Variants in NEK6 observed in about 807,000 individuals in gnomAD.
NEK6 encodes NIMA related kinase 6, also known as serine/threonine-protein kinase Nek6.
Under a neutral mutation model 43.5 loss-of-function variants are expected in NEK6, and 27 were observed. The observed-to-expected ratio is 0.62, with a 90% CI of 0.46 to 0.86. The LOEUF (loss-of-function observed/expected upper bound fraction) is 0.86, where lower values mean the gene tolerates loss of function less well. Ranked by LOEUF, NEK6 falls within the 40% of genes least tolerant of loss-of-function variation. The pLI, the probability that NEK6 is intolerant of heterozygous loss-of-function variation, is 0.00. For missense variants in NEK6, 318 were observed against 414.4 expected, an observed-to-expected ratio of 0.77 and a Z score of 2.02; for synonymous variants, 167 against 164.1, an observed-to-expected ratio of 1.02 and a Z score of -0.14.
intron 1 of NEK6, among the ~76,000 whole-genome samples, chr9:124,283,702 C>T (rs1407241300): frequency 1.3e-5 from 2 of 152,228 alleles, no homozygotes; most frequent in African/African-American, 2.4e-5. Context: ...TCCCACAACT[C>T]GCACAGGGCT....
chr9:124,267,257 G>T (rs1831266251), intron 1 of NEK6, among the ~76,000 whole-genome samples: 1 of 152,260 alleles, frequency 6.6e-6, no homozygotes, highest in Non-Finnish European at 1.5e-5. Context: ...GCCTTGGCGG[G>T]CCACCAGCGT....
chr9:124,328,096 G>T (rs368578841), intron 7 of NEK6, among the ~76,000 whole-genome samples: 46 of 152,322 alleles, frequency 3.0e-4, no homozygotes, highest in East Asian at 2.9e-3. Flanking sequence ...GGGTCGGGGG[G>T]TGCTGAAGGG....
In NEK6 at chr9:124,258,007, C is replaced by G; in HGVS notation, c.-108C>G. ...GCGTGCGGCCGCTGCGCCGCAAACTCGTGTGGGACGCACCGCTCCAGCCGC... is the reference window on the plus strand; with the variant it reads ...GCGTGCGGCCGCTGCGCCGCAAACTGGTGTGGGACGCACCGCTCCAGCCGC... On this transcript the variant is annotated 5_prime_UTR_variant, in exon 1 of 10. Transcript: ENST00000320246. 1 of 978,760 alleles carries G rather than the reference C, an allele frequency of 1.0e-6. No individual in the cohort carries two copies. 60.6% of individuals were successfully genotyped at this position (978,760 alleles called of 1,614,324 possible). A position where few individuals can be genotyped will look rare whatever the true frequency, so the allele number is the denominator to read the frequency against.
At chr9:124,277,766 G>A (rs987013471) in intron 1 of NEK6, among the ~76,000 whole-genome samples, 10 of 152,210 alleles carry the variant, frequency 6.6e-5, no homozygotes, top group African/African-American at 2.2e-4. Context: ...TCACGGGAGC[G>A]CGCCCGCAGG....
chr9:124,326,327 C>A lies in NEK6; in HGVS notation c.406-3C>A. On this transcript the variant is annotated splice_polypyrimidine_tract_variant and splice_region_variant and intron_variant, in intron 5 of 9. Coordinates refer to ENST00000320246, the MANE Select transcript of NEK6 (RefSeq NM_014397.6). This position sits in a 1 kb window ranked among gnomAD's most constrained non-coding sequence, Gnocchi z 4.5. ...ATCCCTCTGCTTGTCTCCCCCACTG[C>A]AGTACTTTAAGAAGCAGAAGCGGCT... 1 of 1,607,822 alleles carries A rather than the reference C, an allele frequency of 6.2e-7. No homozygotes were observed. The highest frequency in any genetic ancestry group is 1.7e-4 in the Middle Eastern group (1 of 6,052).
intron 1 of NEK6, chr9:124,291,737 C>G: frequency 8.5e-6 from 7 of 821,286 alleles, no homozygotes; most frequent in Non-Finnish European, 1.0e-5. Flanking sequence ...GGAAAGGACC[C>G]TTGTCCCTCC....
chr9:124,330,152 CA>C (rs1828897433), intron 7 of NEK6, among the ~76,000 whole-genome samples: 1 of 152,204 alleles, frequency 6.6e-6, no homozygotes, highest in South Asian at 2.1e-4. Flanking sequence ...GTCGGGCTGA[CA>C]GGTGCGGTAC....
chr9:124,350,560 A>G (rs1358662761), intron 9 of NEK6, among the ~76,000 whole-genome samples: 1 of 152,180 alleles, frequency 6.6e-6, no homozygotes, highest in African/African-American at 2.4e-5. Context: ...GACAGCTACA[A>G]GTTCAAAATA....
intron 1 of NEK6, among the ~76,000 whole-genome samples, chr9:124,295,523 G>C (rs1832645195): frequency 6.6e-6 from 1 of 152,196 alleles, no homozygotes; most frequent in African/African-American, 2.4e-5. Context: ...AAGGCAGTTT[G>C]GACCAAGGCA....
intron 2 of NEK6, among the ~76,000 whole-genome samples, chr9:124,305,699 G>A (rs1213101208): frequency 6.6e-6 from 1 of 152,168 alleles, no homozygotes. Flanking sequence ...GAGAAGCTCT[G>A]CATGTTGCAG....
rs75960548 is a variant in NEK6, at chr9:124,347,561, G to A, written c.718-148G>A. The stretch of plus-strand genomic sequence containing the variant: ...TCCTCTGTTGAACCCCAGCATGCTC[G>A]GTGATTCGGGGGAGAAGTCCTGCTG... On this transcript the variant is annotated intron_variant, in intron 8 of 9. Transcript: ENST00000320246. 3,757 of 531,614 alleles carry A rather than the reference G, an allele frequency of 7.1e-3. 19 individuals carry two copies. Among genetic ancestry groups the A allele is most frequent in the Middle Eastern group, 0.017 (46 of 2,680 alleles). The allele number at this position is 531,614 out of a possible 1,614,324, so 32.9% of individuals were successfully genotyped here.
chr9:124,293,158 G>T (rs1195505790), intron 1 of NEK6: 3 of 1,134,798 alleles, frequency 2.6e-6, no homozygotes, highest in African/African-American at 3.2e-5. Flanking sequence ...TGATTAAAAT[G>T]CAGACTTTGG....
At chr9:124,320,118 T>A (rs1266477356) in intron 4 of NEK6, among the ~76,000 whole-genome samples, 1 of 152,234 alleles carries the variant, frequency 6.6e-6, no homozygotes, top group Admixed American at 6.5e-5. Flanking sequence ...GGATATTCAC[T>A]GAGCCACAGC....
intron 1 of NEK6, among the ~76,000 whole-genome samples, chr9:124,258,835 C>T (rs932618342): frequency 1.3e-5 from 2 of 152,262 alleles, no homozygotes; most frequent in African/African-American, 2.4e-5. Flanking sequence ...AGGACCCTCT[C>T]TGCATACACA....
At chr9:124,296,874 T>C (rs1419086375) in intron 1 of NEK6, among the ~76,000 whole-genome samples, 1 of 152,162 alleles carries the variant, frequency 6.6e-6, no homozygotes, top group African/African-American at 2.4e-5. Flanking sequence ...ATGACAGCCT[T>C]GGTCAGAAAG....
chr9:124,312,791 C>G, intron 3 of NEK6, 142 bp downstream of exon 3: 1 of 825,994 alleles, frequency 1.2e-6, no homozygotes, highest in Non-Finnish European at 1.8e-6. Flanking sequence ...ACAGAGAGAA[C>G]CAGGTGGACT....
rs759381068 is a variant in NEK6, at chr9:124,281,487, C to CTTTT, written c.-29-20422_-29-20419dup. On this transcript the variant is annotated intron_variant, in intron 1 of 9. Transcript: ENST00000320246. ...CTACTTTCCATGTCAGCTGTTTTTT[C>CTTTT]TTTTTTTTTTTTTTTTTTTTTTTTT... Among the ~76,000 whole-genome samples the CTTTT allele has an allele frequency of 2.4e-3, 242 of 102,930 alleles. 3 individuals are homozygous for CTTTT. The highest frequency in any genetic ancestry group is 3.5e-3 in the East Asian group (11 of 3,126). 67.5% of individuals were successfully genotyped at this position (102,930 alleles called of 152,430 possible).
intron 8 of NEK6, among the ~76,000 whole-genome samples, chr9:124,342,215 TG>T (rs1251306057): frequency 6.6e-6 from 1 of 152,198 alleles, no homozygotes; most frequent in Non-Finnish European, 1.5e-5. Flanking sequence ...CAAACCCACC[TG>T]TAAGTGGGCA....
rs966500191 is a variant in NEK6, at chr9:124,352,412, G to GAGTT, written c.*1467_*1470dup. 44 of 152,326 alleles carry GAGTT rather than the reference G, an allele frequency of 2.9e-4. No homozygotes were observed. The highest frequency in any genetic ancestry group is 9.9e-4 in the African/African-American group (41 of 41,570). The allele number at this position is 152,326 out of a possible 1,614,324, so 9.4% of individuals were successfully genotyped here. On this transcript the variant is annotated 3_prime_UTR_variant, in exon 10 of 10. Coordinates refer to ENST00000320246, the MANE Select transcript of NEK6 (RefSeq NM_014397.6). ...GGTTGAAATAAAACAGGGTGACTGGGAGTTACTTAGAATTCATGAAGATTT... is the reference window on the plus strand; with the variant it reads ...GGTTGAAATAAAACAGGGTGACTGGGAGTTAGTTACTTAGAATTCATGAAGATTT...
Sources: allele counts gnomAD v4.1 joint callset (sites outside exome capture counted in the v4.1 genomes callset), GRCh38; gene constraint gnomAD v4.1.1; non-coding constraint Gnocchi (gnomAD v3.1); transcripts MANE v1.5; gene names NCBI Gene and HGNC (gene_info 2026-07-23, HGNC 2026-07-21).